The following SOCS6 variants were observed in gnomAD, a reference collection of about 807,000 sequenced individuals.
SOCS6 encodes the protein STAT induced STAT inhibitor-4.
In SOCS6, 5 loss-of-function variants were observed where a neutral mutation model predicts 27.7. The ratio of observed to expected loss-of-function variants is 0.18; its 90% CI spans 0.09 to 0.38. The LOEUF (loss-of-function observed/expected upper bound fraction) is 0.38. SOCS6 is among the 10% of genes least tolerant of loss of function. The pLI, the probability that SOCS6 is intolerant of heterozygous loss-of-function variation, is 1.00. For missense variants in SOCS6, 595 were observed against 688.1 expected (o/e 0.86, Z 1.51); for synonymous variants, 271 against 260.0 (o/e 1.04, Z -0.41).
intron 1 of SOCS6, among the ~76,000 whole-genome samples, chr18:70,316,612 T>G (rs1404410919): frequency 6.6e-6 from 1 of 152,180 alleles, no homozygotes; most frequent in Non-Finnish European, 1.5e-5. Context: ...TTGACCAGTT[T>G]ATCTTGAATG....
chr18:70,302,030 AG>A (rs1339878217), intron 1 of SOCS6, among the ~76,000 whole-genome samples: 2 of 152,184 alleles, frequency 1.3e-5, no homozygotes, highest in African/African-American at 4.8e-5. Flanking sequence ...TTTGCTGCAA[AG>A]GGAATCAGAG....
chr18:70,296,930 T>C lies in SOCS6; in HGVS notation c.-127+7840T>C, dbSNP rs368902053. On this transcript the variant is annotated intron_variant, in intron 1 of 1. Transcript: ENST00000397942. ...TCTTTTTTTTTTTTCTGTCTTAAGC[T>C]CTTCTTCATTGGACATAGGAACTCC... is the stretch of plus-strand genomic sequence containing the variant. 1.4e-4 allele frequency among the ~76,000 whole-genome samples: 21 copies of C among 148,666 alleles called. No homozygotes were observed. The South Asian group carries it at 3.6e-3, about 26-fold the overall frequency.
In SOCS6 at chr18:70,326,249, G is replaced by A. The variant is rs777310641; in HGVS notation, c.1581G>A (p.Lys527=). ...IQKLPLPNKM[K]DYLQEKHY ...AACTGCCTTTGCCAAACAAAATGAA[G>A]GATTATTTACAGGAGAAGCACTACT... Residue 527 remains lysine (K), a synonymous_variant, in exon 2 of 2, where the codon AAG becomes AAA. Transcript: ENST00000397942. 2 of 1,613,698 alleles carry A rather than the reference G, an allele frequency of 1.2e-6. No individual in the cohort carries two copies. The highest frequency in any genetic ancestry group is 2.2e-5 in the East Asian group (1 of 44,870).
chr18:70,306,935 T>C (rs2062372036), intron 1 of SOCS6, among the ~76,000 whole-genome samples: 1 of 152,176 alleles, frequency 6.6e-6, no homozygotes, highest in Admixed American at 6.5e-5. Context: ...TAATGCTTTT[T>C]ATATGTTGCT....
rs543825635 is a variant in SOCS6, at chr18:70,324,968, C to T, written c.300C>T (p.Asp100=). 31 of 1,614,166 alleles carry T rather than the reference C, an allele frequency of 1.9e-5. No homozygotes were observed. In the African/African-American group the frequency reaches 2.7e-4, roughly 14 times the overall value. The part of the protein sequence containing the change: ...KAGTPSGSSA[D]EDTFSSSSAP... ...GCACACCCTCTGGGAGCTCTGCCGACGAGGACACCTTCTCCTCCTCCTCAG... is the reference window on the plus strand; with the variant it reads ...GCACACCCTCTGGGAGCTCTGCCGATGAGGACACCTTCTCCTCCTCCTCAG... Residue 100 remains aspartate (D), a synonymous_variant, in exon 2 of 2, where the codon GAC becomes GAT. Transcript: ENST00000397942.
chr18:70,300,415 C>T (rs1245188394), intron 1 of SOCS6, among the ~76,000 whole-genome samples: 1 of 152,160 alleles, frequency 6.6e-6, no homozygotes, highest in Non-Finnish European at 1.5e-5. Context: ...AGGTGTGAGC[C>T]ACCGCGCCCA....
chr18:70,309,895 A>C (rs1159866571), intron 1 of SOCS6, among the ~76,000 whole-genome samples: 1 of 152,200 alleles, frequency 6.6e-6, no homozygotes, highest in Non-Finnish European at 1.5e-5. Context: ...CATGTTGGCC[A>C]GGCTGGTCTC....
At chr18:70,295,795 A>G (rs2062320198) in intron 1 of SOCS6, among the ~76,000 whole-genome samples, 1 of 152,314 alleles carries the variant, frequency 6.6e-6, no homozygotes, top group Middle Eastern at 3.4e-3. Flanking sequence ...AGATGAGGAA[A>G]TTGGGTCTAA....
chr18:70,315,358 A>T (rs1447570263), intron 1 of SOCS6, among the ~76,000 whole-genome samples: 1 of 152,138 alleles, frequency 6.6e-6, no homozygotes, highest in African/African-American at 2.4e-5. Flanking sequence ...AGTTTCCTTG[A>T]CAATTATTAG....
chr18:70,313,290 G>A (rs1033761319), intron 1 of SOCS6, among the ~76,000 whole-genome samples: 2 of 152,040 alleles, frequency 1.3e-5, no homozygotes, highest in Admixed American at 6.5e-5. Flanking sequence ...TAACAGCACA[G>A]TTTATGTTAC....
At position 70,324,687 on chromosome 18, in the gene SOCS6, A is replaced by G. The variant is rs1240577126; in HGVS notation, c.19A>G (p.Lys7Glu). The G allele has an allele frequency of 6.3e-7, 1 of 1,591,810 alleles. No homozygotes were observed. The highest frequency in any genetic ancestry group is 8.6e-7 in the Non-Finnish European group (1 of 1,166,036). MKKISL[K>E]TLRKSFNLNK... ...AGTCATAATGAAGAAAATTAGTCTT[A>G]AAACCTTACGGAAATCTTTTAACTT... is the stretch of plus-strand genomic sequence containing the variant. Residue 7 changes from lysine (K) to glutamate (E), a missense_variant, in exon 2 of 2, where the codon AAA becomes GAA. Lys to Glu is a moderately conservative substitution (Grantham distance 56). This residue lies in a region of SOCS6 where 467 missense variants were observed against 481.1 expected (regional missense o/e 0.97). Transcript: ENST00000397942.
chr18:70,327,868 T>A lies in SOCS6; in HGVS notation c.*1592T>A, dbSNP rs988671573. Reference sequence around the variant, plus strand: ...GGGTAAAGGTTTAGGTCAAACTTACTGGCTTTGTCATTCAAGCATATCTGA... The same window carrying A: ...GGGTAAAGGTTTAGGTCAAACTTACAGGCTTTGTCATTCAAGCATATCTGA... On this transcript the variant is annotated 3_prime_UTR_variant, in exon 2 of 2. Transcript: ENST00000397942. 1.7e-4 allele frequency: 28 copies of A among 167,020 alleles called. No individual in the cohort carries two copies. The highest frequency in any genetic ancestry group is 5.5e-4 in the African/African-American group (23 of 41,580). 10.3% of individuals were successfully genotyped at this position (167,020 alleles called of 1,614,324 possible).
At chr18:70,293,083 T>A (rs1302071966) in intron 1 of SOCS6, among the ~76,000 whole-genome samples, 2 of 152,166 alleles carry the variant, frequency 1.3e-5, no homozygotes, top group Non-Finnish European at 2.9e-5. Context: ...GCAGAGTGTC[T>A]ACTGTGGTCC....
At chr18:70,313,485 C>A (rs1231197033) in intron 1 of SOCS6, among the ~76,000 whole-genome samples, 1 of 151,946 alleles carries the variant, frequency 6.6e-6, no homozygotes, top group Non-Finnish European at 1.5e-5. Context: ...AAATATTTTT[C>A]TCCAACTTTT....
intron 1 of SOCS6, among the ~76,000 whole-genome samples, chr18:70,296,286 A>C (rs2062322393): frequency 6.6e-6 from 1 of 152,180 alleles, no homozygotes; most frequent in African/African-American, 2.4e-5. Context: ...ATTTTAGTTC[A>C]GATCAAATAA....
At chr18:70,293,192 A>G (rs2062307878) in intron 1 of SOCS6, among the ~76,000 whole-genome samples, 2 of 152,056 alleles carry the variant, frequency 1.3e-5, no homozygotes, top group South Asian at 2.1e-4. Flanking sequence ...GTTGTTATCT[A>G]CACCTTAAAG....
intron 1 of SOCS6, among the ~76,000 whole-genome samples, chr18:70,295,330 A>C (rs2062318343): frequency 6.6e-6 from 1 of 152,234 alleles, no homozygotes; most frequent in South Asian, 2.1e-4. Context: ...TTATGGTGGC[A>C]CTTACAGTGA....
rs761570371 is a variant in SOCS6, at chr18:70,325,429, C to G, written c.761C>G (p.Pro254Arg). ...SSSPMEVSAV[P>R]PQVGGRAFPE... ...TCTCCCATGGAAGTCTCTGCGGTTC[C>G]TCCTCAAGTGGGAGGGCGCGCTTTC... The change falls in exon 2 of 2, where the codon CCT (proline) becomes CGT (arginine). Residue 254 changes from proline to arginine, a missense_variant. Coordinates refer to ENST00000397942, the MANE Select transcript of SOCS6 (RefSeq NM_004232.4). This position sits in a 1 kb window ranked among gnomAD's most constrained non-coding sequence, Gnocchi z 6.3. 1 of 1,614,206 alleles carries G rather than the reference C, an allele frequency of 6.2e-7. No individual in the cohort carries two copies. Among genetic ancestry groups the G allele is most frequent in the East Asian group, 2.2e-5 (1 of 44,876 alleles).
intron 1 of SOCS6, among the ~76,000 whole-genome samples, chr18:70,293,668 G>A (rs2062310179): frequency 6.6e-6 from 1 of 152,084 alleles, no homozygotes; most frequent in African/African-American, 2.4e-5. Context: ...GTCTCTCATG[G>A]GGATGCAGAT....
Sources: allele counts gnomAD v4.1 joint callset (sites outside exome capture counted in the v4.1 genomes callset), GRCh38; gene constraint gnomAD v4.1.1; regional missense constraint gnomAD v4.1.1; non-coding constraint Gnocchi (gnomAD v3.1); transcripts MANE v1.5; gene names NCBI Gene and HGNC (gene_info 2026-07-23, HGNC 2026-07-21).